Variants in TENM2 observed in about 807,000 individuals in gnomAD.
TENM2 encodes teneurin transmembrane protein 2.
Under a neutral mutation model 245.2 loss-of-function variants are expected in TENM2, and 52 were observed. The observed-to-expected ratio is 0.21, with a 90% confidence interval of 0.17 to 0.27. The LOEUF (loss-of-function observed/expected upper bound fraction) is 0.27, where lower values mean the gene tolerates loss of function less well. Ranked by LOEUF, TENM2 falls within the 10% of genes least tolerant of loss-of-function variation. The pLI is 1.00. For missense variants in TENM2, 3,046 were observed against 3,666.8 expected (o/e 0.83, Z 4.37); for synonymous variants, 1,363 against 1,438.9 (o/e 0.95, Z 1.19).
At chr5:167,809,360 G>A (rs1234015809) in intron 2 of TENM2, among the ~76,000 whole-genome samples, 1 of 152,050 alleles carries the variant, frequency 6.6e-6, no homozygotes, top group East Asian at 1.9e-4. Flanking sequence ...AGTTTTAAAT[G>A]GCTGTATGTC....
At chr5:167,031,976 T>A in the TENM2 span, among the ~76,000 whole-genome samples, 1 of 152,188 alleles carries the variant, frequency 6.6e-6, no homozygotes, top group African/African-American at 2.4e-5. Context: ...CATTTTCTAA[T>A]CATGTTTTGC....
At chr5:167,220,212 C>A in the TENM2 span, among the ~76,000 whole-genome samples, 3 of 152,068 alleles carry the variant, frequency 2.0e-5, no homozygotes, top group African/African-American at 7.3e-5. Flanking sequence ...AAGAGGTATC[C>A]TCTTGGGAGG....
chr5:168,057,316 C>T (rs1789631637), intron 6 of TENM2, among the ~76,000 whole-genome samples: 1 of 151,540 alleles, frequency 6.6e-6, no homozygotes, highest in Non-Finnish European at 1.5e-5. Context: ...GCCCAACACA[C>T]ACACACACAC....
chr5:167,599,654 G>T (rs1776471072), intron 2 of TENM2, among the ~76,000 whole-genome samples: 1 of 152,122 alleles, frequency 6.6e-6, no homozygotes, highest in South Asian at 2.1e-4. Context: ...TAGCTGGTAT[G>T]ACCTGAAGTG....
intron 2 of TENM2, among the ~76,000 whole-genome samples, chr5:167,820,345 T>C (rs1311287039): frequency 2.0e-5 from 3 of 152,180 alleles, no homozygotes; most frequent in African/African-American, 4.8e-5. Flanking sequence ...CTGACATAAA[T>C]AATGTAGCGT....
At chr5:167,517,179 A>T (rs182238243) in intron 2 of TENM2, among the ~76,000 whole-genome samples, 1 of 152,292 alleles carries the variant, frequency 6.6e-6, no homozygotes, top group African/African-American at 2.4e-5. Context: ...TCTGTGCATT[A>T]TTACTTTCCC....
the TENM2 span, among the ~76,000 whole-genome samples, chr5:167,012,995 T>C: frequency 0.041 from 6,309 of 152,114 alleles, 429 homozygotes; most frequent in African/African-American, 0.14. Context: ...AAGGGGAATA[T>C]AGTAGTACAA....
chr5:168,110,579 A>G (rs2152313515), intron 9 of TENM2, among the ~76,000 whole-genome samples: 1 of 152,324 alleles, frequency 6.6e-6, no homozygotes, highest in Non-Finnish European at 1.5e-5. Context: ...CTGCTGAGAG[A>G]CAGCATTGGA....
the TENM2 span, among the ~76,000 whole-genome samples, chr5:167,019,591 C>A: frequency 6.6e-6 from 1 of 152,084 alleles, no homozygotes; most frequent in Non-Finnish European, 1.5e-5. Flanking sequence ...CTGCCTCAGC[C>A]TGTTGGGTAG....
intron 3 of TENM2, among the ~76,000 whole-genome samples, chr5:167,876,973 C>G (rs1332011868): frequency 6.6e-6 from 1 of 152,140 alleles, no homozygotes; most frequent in Admixed American, 6.5e-5. Context: ...GATAATCATG[C>G]CTTATTTTGA....
At chr5:168,094,055 G>A (rs1461717492) in intron 8 of TENM2, among the ~76,000 whole-genome samples, 1 of 140,056 alleles carries the variant, frequency 7.1e-6, no homozygotes, top group Non-Finnish European at 1.6e-5. Context: ...GCACACTTCA[G>A]CAACTATTTA....
At chr5:168,044,082 A>ATCTTTAGAT (rs1223520429) in intron 5 of TENM2, among the ~76,000 whole-genome samples, 2 of 152,198 alleles carry the variant, frequency 1.3e-5, no homozygotes, top group Non-Finnish European at 2.9e-5. Context: ...TCTTAAGATA[A>ATCTTTAGAT]TGCCTTTAGA....
intron 1 of TENM2, among the ~76,000 whole-genome samples, chr5:167,350,488 C>CTA (rs1554137753): frequency 2.8e-5 from 4 of 143,738 alleles, no homozygotes; most frequent in Non-Finnish European, 4.5e-5. Context: ...TATATCCTAT[C>CTA]TATATATATA....
chr5:167,924,838 G>A (rs1777627815), intron 3 of TENM2, among the ~76,000 whole-genome samples: 1 of 152,066 alleles, frequency 6.6e-6, no homozygotes, highest in Non-Finnish European at 1.5e-5. Context: ...AAACACTTAG[G>A]TATCATTTCA....
chr5:167,322,395 A>T (rs2127773801), intron 1 of TENM2, among the ~76,000 whole-genome samples: 2 of 152,182 alleles, frequency 1.3e-5, no homozygotes, highest in East Asian at 3.9e-4. Flanking sequence ...CCTCTCTAGG[A>T]AACACCACCC....
At chr5:167,181,576 C>T in the TENM2 span, among the ~76,000 whole-genome samples, 36 of 151,032 alleles carry the variant, frequency 2.4e-4, no homozygotes, top group African/African-American at 6.6e-4. Context: ...GTGTAAAGCA[C>T]GCAATATTTA....
At chr5:167,586,054 G>A (rs930546866) in intron 2 of TENM2, among the ~76,000 whole-genome samples, 2 of 152,072 alleles carry the variant, frequency 1.3e-5, no homozygotes, top group African/African-American at 4.8e-5. Context: ...AGCCCAGAAG[G>A]TCAAGGTTGC....
At chr5:167,446,788 A>AACACGC (rs1765239071) in intron 2 of TENM2, among the ~76,000 whole-genome samples, 1 of 92,252 alleles carries the variant, frequency 1.1e-5, no homozygotes, top group Non-Finnish European at 2.2e-5. Flanking sequence ...CAGTTTTTGA[A>AACACGC]ACACGCACAC....
rs149339446 is a variant in TENM2 at position 167,349,810 on chromosome 5, T to C, written c.227-25388T>C. ...ATTTTCTTTCACATTAAAAAAGTTA[T>C]GCTATCATCTCTTTTCTTATATACA... On this transcript the variant is annotated intron_variant, in intron 1 of 28. Transcript: ENST00000518659. 4.2e-3 allele frequency among the ~76,000 whole-genome samples: 640 copies of C among 152,308 alleles called. 2 individuals are homozygous for C. Among genetic ancestry groups the C allele is most frequent in the African/African-American group, 0.015 (603 of 41,568 alleles).
Sources: allele counts gnomAD v4.1 joint callset (sites outside exome capture counted in the v4.1 genomes callset), GRCh38; gene constraint gnomAD v4.1.1; transcripts MANE v1.5; gene names NCBI Gene and HGNC (gene_info 2026-07-23, HGNC 2026-07-21).